The following TASOR2 variants were observed in gnomAD, a reference collection of about 807,000 sequenced individuals.
The protein encoded by TASOR2 is transcription activation suppressor family member 2, also known as protein TASOR 2.
Under a neutral mutation model 199.5 loss-of-function variants are expected in TASOR2, and 84 were observed. The ratio of observed to expected loss-of-function variants is 0.42; its 90% CI spans 0.35 to 0.50. The LOEUF (loss-of-function observed/expected upper bound fraction) is 0.50. TASOR2 is among the 20% of genes least tolerant of loss of function. The pLI, the probability that TASOR2 is intolerant of heterozygous loss-of-function variation, is 0.02. For synonymous variants in TASOR2, 1,103 were observed against 1,046.6 expected, an observed-to-expected ratio of 1.05 and a Z score of -1.04; for missense variants, 2,796 against 2,835.9, an observed-to-expected ratio of 0.99 and a Z score of 0.32.
intron 7 of TASOR2, 105 bp from the exon 9 acceptor site, chr10:5,724,325 G>A (rs1466138469): frequency 8.4e-6 from 4 of 475,006 alleles, no homozygotes; most frequent in Non-Finnish European, 1.5e-5. Context: ...TTTCTGAGTA[G>A]TATTTCTATT....
At chr10:5,694,621 A>G (rs1353102481) in intron 1 of TASOR2, among the ~76,000 whole-genome samples, 1 of 152,254 alleles carries the variant, frequency 6.6e-6, no homozygotes, top group Non-Finnish European at 1.5e-5. Context: ...TTATGGTAGG[A>G]CATTTTTCAC....
intron 1 of TASOR2, among the ~76,000 whole-genome samples, chr10:5,694,417 A>G (rs1184205788): frequency 6.6e-6 from 1 of 152,232 alleles, no homozygotes; most frequent in East Asian, 1.9e-4. Context: ...GAGCACTGGC[A>G]TACAACAATG....
chr10:5,750,156 T>A lies in TASOR2; in HGVS notation c.6606+129T>A. The A allele has an allele frequency of 1.0e-6, 1 of 972,674 alleles. No individual in the cohort carries two copies. The highest frequency in any genetic ancestry group is 1.5e-6 in the Non-Finnish European group (1 of 689,580). The allele number at this position is 972,674 out of a possible 1,614,324, so 60.3% of individuals were successfully genotyped here. ...ATAGTATTTAAATTTCACAGCTTAG[T>A]CTTTATCTGCATACTAAATGTTTTC... On this transcript the variant is annotated intron_variant, in intron 15 of 20. Coordinates refer to ENST00000328090, the Ensembl canonical transcript of TASOR2. This position sits in a 1 kb window ranked among gnomAD's most constrained non-coding sequence, Gnocchi z 5.4.
chr10:5,720,538 T>A lies in TASOR2; in HGVS notation c.-99-6T>A. On this transcript the variant is annotated splice_polypyrimidine_tract_variant and splice_region_variant and intron_variant, in intron 3 of 20. Coordinates refer to ENST00000328090, the Ensembl canonical transcript of TASOR2. The surrounding 1 kb of genome is among the most constrained non-coding windows in gnomAD (Gnocchi z 5.3). ...ACCCTGATAATACTTATTTTTCCTC[T>A]TTCAGTATTACTTTTACGAACTTTC... is the stretch of plus-strand genomic sequence containing the variant. The A allele has an allele frequency of 6.3e-7, 1 of 1,586,068 alleles. No individual in the cohort carries two copies. Among genetic ancestry groups the A allele is most frequent in the Non-Finnish European group, 8.6e-7 (1 of 1,166,242 alleles).
At chr10:5,724,333 A>G (rs907428880) in intron 7 of TASOR2, 97 bp from the exon 9 acceptor site, 33 of 502,700 alleles carry the variant, frequency 6.6e-5, no homozygotes, top group Non-Finnish European at 9.4e-5. Flanking sequence ...TAGTATTTCT[A>G]TTCTTTCATT....
At chr10:5,688,740 C>G (rs1327497922) in intron 1 of TASOR2, among the ~76,000 whole-genome samples, 1 of 151,942 alleles carries the variant, frequency 6.6e-6, no homozygotes, top group Non-Finnish European at 1.5e-5. Flanking sequence ...GGTGCGTGGG[C>G]TCATGCGTGT....
At chr10:5,735,307 C>T (rs778847423) in exon 12 of TASOR2, 19 of 1,612,992 alleles carry the variant, frequency 1.2e-5, no homozygotes, top group Middle Eastern at 1.6e-4. Context: ...ACATAAGGTG[C>T]GGAAGTGCTG....
chr10:5,740,306 C>T lies in TASOR2; in HGVS notation c.2136C>T (p.Asp712=), dbSNP rs762264296. 9.3e-6 allele frequency: 15 copies of T among 1,614,252 alleles called. No homozygotes were observed. The highest frequency in any genetic ancestry group is 4.4e-5 in the South Asian group (4 of 91,086). ...TTTTGCTTCAGCAAAAGCCTCCTGA[C>T]GACCCCGTGGTGAAGCCCAAGGATC... Residue 712 remains aspartate, a synonymous_variant, in exon 13 of 21, where the codon GAC becomes GAT. Transcript: ENST00000328090. This position sits in a 1 kb window ranked among gnomAD's most constrained non-coding sequence, Gnocchi z 5.3.
At position 5,738,794 on chromosome 10, in the gene TASOR2, C is replaced by G. The variant is rs1464629400; in HGVS notation, c.1448-824C>G. ...TGCCTAGCAGAGTTGTGAAGTTTAT[C>G]CTTCATAATAACAGCATTTAGGAAG... On this transcript the variant is annotated intron_variant, in intron 12 of 20. Transcript: ENST00000328090. The surrounding 1 kb of genome is among the most constrained non-coding windows in gnomAD (Gnocchi z 4.7). 1.3e-5 allele frequency among the ~76,000 whole-genome samples: 2 copies of G among 152,088 alleles called. No individual in the cohort carries two copies. The highest frequency in any genetic ancestry group is 2.4e-5 in the African/African-American group (1 of 41,390).
At chr10:5,714,372 G>A (rs1185152428) in intron 2 of TASOR2, 165 bp downstream of exon 3, 1 of 405,208 alleles carries the variant, frequency 2.5e-6, no homozygotes, top group Non-Finnish European at 4.2e-6. Context: ...AATGAGATTT[G>A]AGTCTAAAAC....
chr10:5,743,781 AATG>A (rs1836767639), intron 14 of TASOR2: 1 of 152,236 alleles, frequency 6.6e-6, no homozygotes, highest in Non-Finnish European at 1.5e-5. Flanking sequence ...TAATTTTAGC[AATG>A]ATTTTGGCAA....
At position 5,720,545 on chromosome 10, in the gene TASOR2, A is replaced by G. The variant is rs1483292055; in HGVS notation, c.-98A>G. 6.3e-6 allele frequency: 10 copies of G among 1,596,042 alleles called. No homozygotes were observed. Among genetic ancestry groups the G allele is most frequent in the South Asian group, 2.2e-5 (2 of 89,020 alleles). On this transcript the variant is annotated splice_region_variant and 5_prime_UTR_variant, in exon 4 of 21. Coordinates refer to ENST00000328090, the Ensembl canonical transcript of TASOR2. This position sits in a 1 kb window ranked among gnomAD's most constrained non-coding sequence, Gnocchi z 5.3. Reference sequence around the variant, plus strand: ...TAATACTTATTTTTCCTCTTTCAGTATTACTTTTACGAACTTTCAGGCAAC... The same window carrying G: ...TAATACTTATTTTTCCTCTTTCAGTGTTACTTTTACGAACTTTCAGGCAAC...
Position 5,752,455 on chromosome 10 carries a change from G to A in TASOR2, c.6606+2428G>A, listed in dbSNP as rs960186585. Among the ~76,000 whole-genome samples, 9 of 152,266 alleles carry A rather than the reference G, an allele frequency of 5.9e-5. No homozygotes were observed. The highest frequency in any genetic ancestry group is 1.2e-4 in the Non-Finnish European group (8 of 68,016). On this transcript the variant is annotated intron_variant, in intron 15 of 20. Transcript: ENST00000328090. This position sits in a 1 kb window ranked among gnomAD's most constrained non-coding sequence, Gnocchi z 4.4. Reference sequence around the variant, plus strand: ...CACACATGAGGGGCCTGCAGGCCACGTGCAGGCCGTGTGTCGGCTCCACAT... The same window carrying A: ...CACACATGAGGGGCCTGCAGGCCACATGCAGGCCGTGTGTCGGCTCCACAT...
intron 12 of TASOR2, among the ~76,000 whole-genome samples, chr10:5,735,886 A>G (rs145714983): frequency 3.3e-5 from 5 of 152,364 alleles, no homozygotes; most frequent in Non-Finnish European, 7.4e-5. Context: ...ACCATTATCA[A>G]TTATAAAAAT....
intron 1 of TASOR2, among the ~76,000 whole-genome samples, chr10:5,697,479 A>G (rs1183537101): frequency 1.3e-5 from 2 of 152,200 alleles, no homozygotes; most frequent in Non-Finnish European, 2.9e-5. Flanking sequence ...GAGGAGCCAT[A>G]TGGTATCAAG....
At position 5,730,089 on chromosome 10, in the gene TASOR2, A is replaced by G. The variant is rs940895442; in HGVS notation, c.488-398A>G. ...AGTTCAGTAAGGTACAGCTACAGTA[A>G]AATAAATTTTAAAACAAAATAAGAA... On this transcript the variant is annotated intron_variant, in intron 10 of 20. Coordinates refer to ENST00000328090, the Ensembl canonical transcript of TASOR2. The surrounding 1 kb of genome is among the most constrained non-coding windows in gnomAD (Gnocchi z 4.1). 2.0e-5 allele frequency among the ~76,000 whole-genome samples: 3 copies of G among 152,230 alleles called. No individual in the cohort carries two copies. Among genetic ancestry groups the G allele is most frequent in the African/African-American group, 4.8e-5 (2 of 41,464 alleles).
chr10:5,735,813 G>T (rs144941792), intron 12 of TASOR2, among the ~76,000 whole-genome samples: 3,531 of 152,262 alleles, frequency 0.023, 48 homozygotes, highest in Middle Eastern at 0.037. Context: ...AAGCATTAAA[G>T]TATAAATGGC....
At chr10:5,715,201 A>G (rs980138644) in intron 2 of TASOR2, among the ~76,000 whole-genome samples, 8 of 147,660 alleles carry the variant, frequency 5.4e-5, no homozygotes, top group Middle Eastern at 3.6e-3. Context: ...ATCGGGCTTC[A>G]TGGCTAGATT....
At position 5,757,816 on chromosome 10, in the gene TASOR2, G is replaced by A. The variant is rs888019709; in HGVS notation, c.6886+143G>A. The A allele has an allele frequency of 3.8e-6, 3 of 797,284 alleles. No individual in the cohort carries two copies. The Admixed American group carries it at 7.8e-5, about 21-fold the overall frequency. The allele number at this position is 797,284 out of a possible 1,614,324, so 49.4% of individuals were successfully genotyped here. On this transcript the variant is annotated intron_variant, in intron 17 of 20. Transcript: ENST00000328090. ...TACTGAGGCATAATTTCTGCTGTCT[G>A]CTGTGCTCTTTTCATACAGTGATTC...
Sources: allele counts gnomAD v4.1 joint callset (sites outside exome capture counted in the v4.1 genomes callset), GRCh38; gene constraint gnomAD v4.1.1; non-coding constraint Gnocchi (gnomAD v3.1); transcripts MANE v1.5; gene names NCBI Gene and HGNC (gene_info 2026-07-23, HGNC 2026-07-21).